PKD1L1: variants seen among roughly 807,000 people sequenced by gnomAD.
PKD1L1 encodes polycystin-1-like protein 1.
In PKD1L1, 236 loss-of-function variants were observed where a neutral mutation model predicts 323.4. That is an observed-to-expected ratio of 0.73 (90% CI 0.66 to 0.81). The LOEUF is 0.81. Among genes scored for constraint, PKD1L1 ranks in the 40% least tolerant of loss-of-function variants. PKD1L1 has a pLI of 0.00. For synonymous variants in PKD1L1, 1,344 were observed against 1,335.0 expected (o/e 1.01, Z -0.15); for missense variants, 3,320 against 3,508.0 (o/e 0.95, Z 1.35).
In PKD1L1 at chr7:47,936,846, C is replaced by T. The variant is rs2128757236; in HGVS notation, c.398G>A (p.Arg133Lys). 1.2e-6 allele frequency: 2 copies of T among 1,600,082 alleles called. No homozygotes were observed. The highest frequency in any genetic ancestry group is 1.7e-6 in the Non-Finnish European group (2 of 1,173,780). ...APLDCDNSAD[R>K]IPHKPFIIIA... The stretch of plus-strand genomic sequence containing the variant: ...ATTTCGCCATGGTACATTGACATAC[C>T]TATCAGCACTGTTATCACAATCCAG... Residue 133 changes from arginine to lysine, a missense_variant and splice_region_variant, in exon 4 of 57, where the codon AGA becomes AAA. Coordinates refer to ENST00000289672, the MANE Select transcript of PKD1L1 (RefSeq NM_138295.5).
Position 47,905,929 on chromosome 7 carries a change from G to A in PKD1L1, c.1436C>T (p.Pro479Leu), listed in dbSNP as rs367553671. 3.7e-6 allele frequency: 6 copies of A among 1,611,544 alleles called. No homozygotes were observed. In the Admixed American group the frequency reaches 6.8e-5, roughly 18 times the overall value. ...TVVIHHFPSI[P>L]SYNVSFISQT... The stretch of plus-strand genomic sequence containing the variant: ...AGAAATAAAGGACACGTTATATGAA[G>A]GAATAGATGGAAAGTGATGTATAAC... The change falls in exon 10 of 57, where the codon CCT becomes CTT. Residue 479 changes from proline to leucine, a missense_variant. Coordinates refer to ENST00000289672, the MANE Select transcript of PKD1L1 (RefSeq NM_138295.5).
chr7:47,905,012 G>C, intron 11 of PKD1L1, 145 bp downstream of exon 11: 2 of 860,652 alleles, frequency 2.3e-6, no homozygotes, highest in Non-Finnish European at 3.5e-6. Context: ...CTTATGTTGA[G>C]TTTGCTTCAC....
chr7:47,829,493 G>T lies in PKD1L1; in HGVS notation c.6667C>A (p.Arg2223Ser), dbSNP rs757327591. ...GAGAAGGGGAGGCGAGTCCAGGAAC[G>T]TTCTGCCAATTCAGAGTCCAGATCC... The part of the protein sequence containing the change: ...TRDLDSELAE[R>S]SWTRLPFSSS... Residue 2223 changes from arginine (R) to serine (S), a missense_variant, in exon 44 of 57, where the codon CGT becomes AGT. Physicochemically the swap from Arg to Ser is moderately radical, Grantham distance 110 (BLOSUM62 -1). Transcript: ENST00000289672. The T allele has an allele frequency of 6.2e-7, 1 of 1,614,036 alleles. No homozygotes were observed.
intron 7 of PKD1L1, among the ~76,000 whole-genome samples, chr7:47,917,433 C>G (rs1306981870): frequency 6.6e-6 from 1 of 152,074 alleles, no homozygotes; most frequent in Non-Finnish European, 1.5e-5. Context: ...AATAAACTTC[C>G]CCAGCCTTGC....
At chr7:47,806,724 C>T (rs572687014) in intron 52 of PKD1L1, among the ~76,000 whole-genome samples, 2 of 152,334 alleles carry the variant, frequency 1.3e-5, no homozygotes, top group South Asian at 4.1e-4. Flanking sequence ...TTGGCCTTGG[C>T]CAGCCCAGCT....
chr7:47,943,535 G>A (rs760563358), intron 1 of PKD1L1, 24 bp from the exon 2 acceptor site: 8 of 1,576,564 alleles, frequency 5.1e-6, no homozygotes, highest in Non-Finnish European at 7.0e-6. Flanking sequence ...AATAACCAGA[G>A]GAAAATTAAA....
the PKD1L1 span, among the ~76,000 whole-genome samples, chr7:47,955,583 T>A: frequency 1.3e-5 from 2 of 152,242 alleles, no homozygotes; most frequent in Non-Finnish European, 2.9e-5. Flanking sequence ...GTACACTTTT[T>A]TCTGTAACAT....
At chr7:47,947,095 A>C (rs1788112676) in intron 1 of PKD1L1, among the ~76,000 whole-genome samples, 1 of 152,154 alleles carries the variant, frequency 6.6e-6, no homozygotes, top group South Asian at 2.1e-4. Flanking sequence ...ATAAGGGAAA[A>C]AATTGTAGCC....
At chr7:47,845,107 G>C (rs1785638129) in intron 32 of PKD1L1, 29 bp from the exon 33 acceptor site, 1 of 1,586,492 alleles carries the variant, frequency 6.3e-7, no homozygotes, top group Non-Finnish European at 8.6e-7. Flanking sequence ...TGAGGATACA[G>C]AATGTGTGGA....
intron 24 of PKD1L1, among the ~76,000 whole-genome samples, chr7:47,872,045 A>G (rs1786291945): frequency 6.6e-6 from 1 of 152,214 alleles, no homozygotes. Context: ...TCGGTAAAAA[A>G]CTATTAATAC....
chr7:47,853,691 G>A lies in PKD1L1; in HGVS notation c.4860-464C>T, dbSNP rs543076731. Among the ~76,000 whole-genome samples the A allele has an allele frequency of 4.5e-3, 684 of 150,464 alleles. 1 individual carries two copies. Among genetic ancestry groups the A allele is most frequent in the Middle Eastern group, 0.014 (4 of 294 alleles). ...CCGGGAGGCAGAGGTTGCAGTGAGC[G>A]GAGATCACACCATTGCACTCCAACC... On this transcript the variant is annotated intron_variant, in intron 30 of 56. Coordinates refer to ENST00000289672, the MANE Select transcript of PKD1L1 (RefSeq NM_138295.5).
intron 44 of PKD1L1, among the ~76,000 whole-genome samples, chr7:47,828,309 A>G (rs1399697700): frequency 6.6e-6 from 1 of 151,980 alleles, no homozygotes; most frequent in African/African-American, 2.4e-5. Flanking sequence ...TGAGGTTGGG[A>G]TGATAGAAAG....
At chr7:47,899,414 T>C (rs902922861) in intron 13 of PKD1L1, among the ~76,000 whole-genome samples, 2 of 138,258 alleles carry the variant, frequency 1.4e-5, no homozygotes, top group African/African-American at 5.0e-5. Flanking sequence ...AGGATGAGGA[T>C]ATGGGGGGGA....
intron 16 of PKD1L1, among the ~76,000 whole-genome samples, chr7:47,888,668 G>A (rs959670319): frequency 1.3e-5 from 2 of 152,160 alleles, no homozygotes; most frequent in South Asian, 2.1e-4. Context: ...CCACTGCCTC[G>A]GCCCCGCCTC....
At chr7:47,861,816 GC>G (rs955460573) in intron 26 of PKD1L1, among the ~76,000 whole-genome samples, 4 of 135,820 alleles carry the variant, frequency 2.9e-5, no homozygotes, top group Admixed American at 2.7e-4. Context: ...GGGAGACAGA[GC>G]TTGCAGTGAG....
intron 49 of PKD1L1, among the ~76,000 whole-genome samples, chr7:47,812,666 G>A (rs1784926123): frequency 6.6e-6 from 1 of 152,092 alleles, no homozygotes. Context: ...TGGCTGGATG[G>A]GGCAGGCGGC....
At chr7:47,792,859 A>G in intron 55 of PKD1L1, 62 bp from the exon 56 acceptor site, 2 of 1,463,064 alleles carry the variant, frequency 1.4e-6, no homozygotes, top group Non-Finnish European at 1.9e-6. Flanking sequence ...CCCTTTCCTC[A>G]TTATGTGAAG....
intron 22 of PKD1L1, 102 bp downstream of exon 22, chr7:47,877,387 G>C: frequency 6.1e-6 from 9 of 1,466,582 alleles, no homozygotes; most frequent in Non-Finnish European, 8.4e-6. Context: ...TTCACAGGTG[G>C]GAAGGACATT....
chr7:47,857,815 G>A lies in PKD1L1; in HGVS notation c.4380C>T (p.Asn1460=). 1 of 1,614,136 alleles carries A rather than the reference G, an allele frequency of 6.2e-7. No individual in the cohort carries two copies. Among genetic ancestry groups the A allele is most frequent in the Non-Finnish European group, 8.5e-7 (1 of 1,180,000 alleles). Residue 1460 remains asparagine, a synonymous_variant, in exon 28 of 57, where the codon AAC becomes AAT. Coordinates refer to ENST00000289672, the MANE Select transcript of PKD1L1 (RefSeq NM_138295.5). ...SDLLLGCLSL[N]HVSTGQMEFR... is the part of the protein sequence containing the mutation. ...ACTCCATCTGCCCAGTGCTAACATG[G>A]TTCAAAGAGAGACAACCCTGAAACA...
Sources: allele counts gnomAD v4.1 joint callset (sites outside exome capture counted in the v4.1 genomes callset), GRCh38; gene constraint gnomAD v4.1.1; transcripts MANE v1.5; gene names NCBI Gene and HGNC (gene_info 2026-07-23, HGNC 2026-07-21).